The following INPP4B variants were observed in gnomAD, a reference collection of about 807,000 sequenced individuals.
The protein encoded by INPP4B is inositol polyphosphate 4-phosphatase type II.
Under a neutral mutation model 122.5 loss-of-function variants are expected in INPP4B, and 55 were observed. The observed-to-expected ratio is 0.45, with a 90% CI of 0.36 to 0.56. The LOEUF (loss-of-function observed/expected upper bound fraction) is 0.56, where lower values mean the gene tolerates loss of function less well. Among genes scored for constraint, INPP4B ranks in the 20% least tolerant of loss-of-function variants. INPP4B has a pLI of 0.00. For synonymous variants in INPP4B, 403 were observed against 388.7 expected (o/e 1.04, Z -0.43); for missense variants, 1,000 against 1,097.7 (o/e 0.91, Z 1.26).
intron 2 of INPP4B, among the ~76,000 whole-genome samples, chr4:142,642,149 T>G (rs1750650216): frequency 6.6e-6 from 1 of 152,228 alleles, no homozygotes; most frequent in Non-Finnish European, 1.5e-5. Context: ...TTGAGTTCTT[T>G]GTAGATTCTG....
intron 23 of INPP4B, among the ~76,000 whole-genome samples, chr4:142,094,867 G>T (rs918058510): frequency 6.6e-6 from 1 of 152,148 alleles, no homozygotes; most frequent in Non-Finnish European, 1.5e-5. Flanking sequence ...GAGGTATTAG[G>T]TATAAATGAG....
At chr4:142,790,030 G>A (rs545480190) in intron 1 of INPP4B, among the ~76,000 whole-genome samples, 36 of 152,156 alleles carry the variant, frequency 2.4e-4, no homozygotes, top group African/African-American at 7.9e-4. Flanking sequence ...CTAGCCACAT[G>A]TAGGAGAATG....
rs1173284028 is a variant in INPP4B at position 142,796,894 on chromosome 4, GTGTGTGTGTGTGTGTGTGTGTC to G, written c.-254+49293_-254+49314del. 4.0e-5 allele frequency among the ~76,000 whole-genome samples: 6 copies of G among 150,510 alleles called. No homozygotes were observed. The East Asian group carries it at 7.9e-4, about 20-fold the overall frequency. On this transcript the variant is annotated intron_variant, in intron 1 of 25. Coordinates refer to ENST00000262992, the MANE Select transcript of INPP4B (RefSeq NM_001101669.3). The stretch of plus-strand genomic sequence containing the variant: ...TGTGTGTGTGTGTGTGTGTGTGTGT[GTGTGTGTGTGTGTGTGTGTGTC>G]TGTGTGTAATAGCAGAGAACAAAAT...
chr4:142,117,564 C>T (rs1794255986), intron 21 of INPP4B, among the ~76,000 whole-genome samples: 1 of 152,084 alleles, frequency 6.6e-6, no homozygotes, highest in Non-Finnish European at 1.5e-5. Context: ...ACAAAAATCA[C>T]ACGACTATCT....
intron 3 of INPP4B, among the ~76,000 whole-genome samples, chr4:142,451,905 G>C (rs1353426044): frequency 1.3e-5 from 2 of 152,168 alleles, no homozygotes; most frequent in Non-Finnish European, 2.9e-5. Context: ...GGGGTGCTCT[G>C]TCTATCTCTG....
chr4:142,751,392 G>A (rs769447663), intron 1 of INPP4B, among the ~76,000 whole-genome samples: 12 of 151,496 alleles, frequency 7.9e-5, no homozygotes, highest in Non-Finnish European at 1.2e-4. Context: ...TAATACATCT[G>A]TGGAGGACTG....
chr4:142,366,554 G>A lies in INPP4B; in HGVS notation c.372+36384C>T, dbSNP rs185030342. 9.2e-5 allele frequency among the ~76,000 whole-genome samples: 14 copies of A among 152,166 alleles called. 1 individual carries two copies. The highest frequency in any genetic ancestry group is 5.2e-4 in the Admixed American group (8 of 15,270). ...TTATATAATGACTATTTTAGTTTAC[G>A]TAGGCAAATCGTCACCAATAATCTA... On this transcript the variant is annotated intron_variant, in intron 7 of 25. Transcript: ENST00000262992.
intron 12 of INPP4B, among the ~76,000 whole-genome samples, chr4:142,209,510 C>T (rs933640485): frequency 1.5e-4 from 23 of 151,712 alleles, no homozygotes; most frequent in African/African-American, 4.6e-4. Flanking sequence ...AACAAAAGCC[C>T]GGCCGGGCAC....
chr4:142,564,916 T>C (rs1420141376), intron 2 of INPP4B, among the ~76,000 whole-genome samples: 1 of 152,164 alleles, frequency 6.6e-6, no homozygotes, highest in Non-Finnish European at 1.5e-5. Context: ...GGTTATAATA[T>C]AATATGGAAT....
chr4:142,439,755 C>T (rs971795354), intron 3 of INPP4B, among the ~76,000 whole-genome samples: 2 of 152,184 alleles, frequency 1.3e-5, no homozygotes, highest in African/African-American at 4.8e-5. Flanking sequence ...GAGTTGATGA[C>T]AACCTATGAT....
At chr4:142,805,224 A>T (rs1276184226) in intron 1 of INPP4B, among the ~76,000 whole-genome samples, 1 of 152,202 alleles carries the variant, frequency 6.6e-6, no homozygotes, top group African/African-American at 2.4e-5. Context: ...TTCACTGAAA[A>T]ATATTCTTAG....
In INPP4B at chr4:142,675,756, A is replaced by T. The variant is rs140809135; in HGVS notation, c.-191+50083T>A. ...AACCAATGACAAAAATCACATGATT[A>T]TCTTAATAGATGCAGAAAAGGACTT... On this transcript the variant is annotated intron_variant, in intron 2 of 25. Transcript: ENST00000262992. Among the ~76,000 whole-genome samples the T allele has an allele frequency of 2.6e-3, 394 of 152,318 alleles. 6 individuals are homozygous for T. The highest frequency in any genetic ancestry group is 0.018 in the East Asian group (93 of 5,174).
intron 5 of INPP4B, among the ~76,000 whole-genome samples, chr4:142,416,393 T>C (rs957518354): frequency 1.3e-5 from 2 of 152,144 alleles, no homozygotes; most frequent in Non-Finnish European, 2.9e-5. Flanking sequence ...TTCAGGAGAA[T>C]TGCATTGTGC....
At chr4:142,475,549 C>T (rs534084502) in intron 2 of INPP4B, among the ~76,000 whole-genome samples, 2 of 151,848 alleles carry the variant, frequency 1.3e-5, no homozygotes, top group African/African-American at 4.8e-5. Flanking sequence ...TGAAGATTAT[C>T]GACATTCAAA....
chr4:142,480,586 G>A (rs911433761), intron 2 of INPP4B, among the ~76,000 whole-genome samples: 4 of 152,156 alleles, frequency 2.6e-5, no homozygotes, highest in African/African-American at 4.8e-5. Flanking sequence ...CATCTCCACC[G>A]TAGTCCACTA....
At chr4:142,260,442 T>G in intron 11 of INPP4B, 50 bp downstream of exon 11, 1 of 1,142,842 alleles carries the variant, frequency 8.8e-7, no homozygotes, top group Non-Finnish European at 1.3e-6. Flanking sequence ...TTACATAAAA[T>G]TAAAATTCAT....
At chr4:142,390,080 T>C (rs1231897765) in intron 7 of INPP4B, among the ~76,000 whole-genome samples, 1 of 152,150 alleles carries the variant, frequency 6.6e-6, no homozygotes, top group Non-Finnish European at 1.5e-5. Context: ...TGATCTGCTC[T>C]TTCACAGGAA....
chr4:142,080,280 C>A (rs1773211206), intron 25 of INPP4B, among the ~76,000 whole-genome samples: 1 of 152,024 alleles, frequency 6.6e-6, no homozygotes, highest in Non-Finnish European at 1.5e-5. Flanking sequence ...AACCTATGAG[C>A]CTGTATTGTA....
At chr4:142,460,466 G>A (rs1437709716) in intron 3 of INPP4B, among the ~76,000 whole-genome samples, 4 of 152,100 alleles carry the variant, frequency 2.6e-5, no homozygotes, top group Non-Finnish European at 5.9e-5. Context: ...TATTCAATCC[G>A]GCTGGAATAT....
Sources: gnomAD v4.1 joint callset for allele counts (sites outside exome capture counted in the v4.1 genomes callset) on GRCh38, gnomAD v4.1.1 for gene constraint, MANE v1.5 for transcripts, NCBI Gene and HGNC (gene_info 2026-07-23, HGNC 2026-07-21) for gene names.